The following C15orf39 variants were observed in gnomAD, a reference collection of about 807,000 sequenced individuals.
C15orf39 encodes PRMT2 interacting protein, also known as uncharacterized protein C15orf39.
In C15orf39, 24 loss-of-function variants were observed where a neutral mutation model predicts 53.9. The observed-to-expected ratio is 0.45, with a 90% CI of 0.32 to 0.63. C15orf39 has a LOEUF of 0.63. Among genes scored for constraint, C15orf39 ranks in the 20% least tolerant of loss-of-function variants. The pLI is 0.04. For missense variants in C15orf39, 1,271 were observed against 1,347.9 expected, an observed-to-expected ratio of 0.94 and a Z score of 0.89; for synonymous variants, 569 against 576.5, an observed-to-expected ratio of 0.99 and a Z score of 0.19.
rs548490366 is a variant in C15orf39 at position 75,208,286 on chromosome 15, T to A, written c.2238T>A (p.Ala746=). The A allele has an allele frequency of 1.3e-6, 2 of 1,582,468 alleles. No individual in the cohort carries two copies. Among genetic ancestry groups the A allele is most frequent in the African/African-American group, 2.7e-5 (2 of 74,166 alleles). ...ASARDPAPAP[A]PVAGPAPAST... ...CCCGGGATCCAGCTCCAGCTCCAGC[T>A]CCAGTTGCAGGCCCTGCTCCAGCAT... Residue 746 remains alanine, a synonymous_variant, in exon 2 of 3, where the codon GCT becomes GCA. Coordinates refer to ENST00000394987, the MANE Select transcript of C15orf39 (RefSeq NM_015492.5).
intron 2 of C15orf39, among the ~76,000 whole-genome samples, chr15:75,209,934 G>C (rs147865986): frequency 6.6e-6 from 1 of 152,270 alleles, no homozygotes; most frequent in Non-Finnish European, 1.5e-5. Context: ...TGCCTTAATG[G>C]GATGCAAAGG....
chr15:75,211,015 C>T lies in C15orf39; in HGVS notation c.3043C>T (p.Leu1015Phe), dbSNP rs540551289. Residue 1015 changes from leucine (L) to phenylalanine (F), a missense_variant, in exon 3 of 3, where the codon CTC (leucine) becomes TTC (phenylalanine). Physicochemically the swap from Leu to Phe is conservative, Grantham distance 22. Coordinates refer to ENST00000394987, the MANE Select transcript of C15orf39 (RefSeq NM_015492.5). ...RFRSLLETAWLNGLALPTWGH... is the reference protein window; with the variant it reads ...RFRSLLETAWFNGLALPTWGH... ...CCGCAGTCTGCTGGAGACCGCCTGG[C>T]TCAATGGCCTGGCTCTGCCCACCTG... 10 of 1,611,372 alleles carry T rather than the reference C, an allele frequency of 6.2e-6. No homozygotes were observed. The African/African-American group carries it at 1.3e-4, about 21-fold the overall frequency.
rs2070439467 is a variant in C15orf39, at chr15:75,206,509, C to T, written c.461C>T (p.Pro154Leu). Residue 154 changes from proline (P) to leucine (L), a missense_variant, in exon 2 of 3, where the codon CCA becomes CTA. Around this residue, in one of 2 missense-constraint regions of C15orf39, gnomAD observed 994 missense variants for 993.7 expected, o/e 1.00. Coordinates refer to ENST00000394987, the MANE Select transcript of C15orf39 (RefSeq NM_015492.5). Reference sequence around the variant, plus strand: ...CTGGGGGAAGGAGCAGTGAAGAGGCCACTGGATGTTGACTGGACTCTGGCG... The same window carrying T: ...CTGGGGGAAGGAGCAGTGAAGAGGCTACTGGATGTTGACTGGACTCTGGCG... ...TCLGEGAVKR[P>L]LDVDWTLATG... 1 of 1,613,944 alleles carries T rather than the reference C, an allele frequency of 6.2e-7. No homozygotes were observed. The highest frequency in any genetic ancestry group is 1.7e-5 in the Admixed American group (1 of 59,990).
Position 75,207,163 on chromosome 15 carries a change from C to A in C15orf39, c.1115C>A (p.Ala372Asp). 1 of 1,613,846 alleles carries A rather than the reference C, an allele frequency of 6.2e-7. No homozygotes were observed. Among genetic ancestry groups the A allele is most frequent in the Non-Finnish European group, 8.5e-7 (1 of 1,179,980 alleles). ...PLTPRCPLDF[A>D]PQTLSFPYAR... The stretch of plus-strand genomic sequence containing the variant: ...ACTCCACGGTGCCCATTGGACTTTG[C>A]CCCCCAGACACTGAGTTTTCCTTAT... Residue 372 changes from alanine to aspartate, a missense_variant, in exon 2 of 3, where the codon GCC becomes GAC. This residue lies in a region of C15orf39 where 994 missense variants were observed against 993.7 expected (regional missense o/e 1.00). Transcript: ENST00000394987.
Position 75,210,957 on chromosome 15 carries a change from C to A in C15orf39, c.2985C>A (p.Ala995=). ...CCTCCCCTACCCCTGCTACCAGTGC[C>A]AGCCCACCTGGCCCCACACTGAAGG... The part of the protein sequence containing the change: ...CGASPTPATS[A]SPPGPTLKAR... The change falls in exon 3 of 3, where the codon GCC becomes GCA. Residue 995 remains alanine, a synonymous_variant. Transcript: ENST00000394987. 1 of 1,613,438 alleles carries A rather than the reference C, an allele frequency of 6.2e-7. No individual in the cohort carries two copies. The highest frequency in any genetic ancestry group is 8.5e-7 in the Non-Finnish European group (1 of 1,180,010).
Position 75,208,622 on chromosome 15 carries a change from AC to A in C15orf39, c.2577del (p.Ala860LeufsTer38). The A allele has an allele frequency of 6.3e-7, 1 of 1,592,898 alleles. No individual in the cohort carries two copies. ...AGGAGCGGCTCTTCCCTCGGCTGCC[AC>A]CCGCTTCTGTGGACCATGTGCTGCA... is the stretch of plus-strand genomic sequence containing the variant. Reference protein sequence around the residue: ...VKERLFPRLPPASVDHVLQEH... With the variant: ...VKERLFPRLPXASVDHVLQEH... On this transcript the variant is annotated frameshift_variant, in exon 2 of 3. Coordinates refer to ENST00000394987, the MANE Select transcript of C15orf39 (RefSeq NM_015492.5). LOFTEE classifies it high-confidence loss of function.
At position 75,211,753 on chromosome 15, in the gene C15orf39, G is replaced by C. The variant is rs545117131; in HGVS notation, c.*637G>C. On this transcript the variant is annotated 3_prime_UTR_variant, in exon 3 of 3. Coordinates refer to ENST00000394987, the MANE Select transcript of C15orf39 (RefSeq NM_015492.5). ...CTCCCTGCTCCCAATCCCCGCTACT[G>C]GTGCAGGGATGCAGCCTGGAGCTGG... is the stretch of plus-strand genomic sequence containing the variant. 6 of 152,268 alleles carry C rather than the reference G, an allele frequency of 3.9e-5. No homozygotes were observed. In the South Asian group the frequency reaches 1.2e-3, roughly 32 times the overall value. 9.4% of individuals were successfully genotyped at this position (152,268 alleles called of 1,614,324 possible).
chr15:75,206,707 T>G lies in C15orf39; in HGVS notation c.659T>G (p.Ile220Ser), dbSNP rs757245578. The G allele has an allele frequency of 5.6e-6, 9 of 1,613,564 alleles. No individual in the cohort carries two copies. The East Asian group carries it at 2.0e-4, about 36-fold the overall frequency. ...CQPFLEKYQT[I>S]HSTGFLASRY... ...CCCTTCCTGGAGAAATATCAGACCA[T>G]CCACAGCACGGGCTTCCTGGCCTCC... is the stretch of plus-strand genomic sequence containing the variant. The change falls in exon 2 of 3, where the codon ATC (isoleucine) becomes AGC (serine). Residue 220 changes from isoleucine to serine, a missense_variant. Transcript: ENST00000394987.
intron 1 of C15orf39, among the ~76,000 whole-genome samples, chr15:75,202,684 C>T (rs1252936930): frequency 2.0e-5 from 3 of 149,866 alleles, no homozygotes; most frequent in Admixed American, 2.0e-4. Context: ...GGTGCGCGGG[C>T]CTGCCTGCGT....
In C15orf39 at chr15:75,203,152, C is replaced by G. The variant is rs2070416531; in HGVS notation, c.-51+1093C>G. Among the ~76,000 whole-genome samples, 4 of 152,378 alleles carry G rather than the reference C, an allele frequency of 2.6e-5. No individual in the cohort carries two copies. The South Asian group carries it at 6.2e-4, about 24-fold the overall frequency. ...ATGCTGGCCACAATTGGGCAGGAAT[C>G]GCGCTCTTCTTCCTGGTCTTTGCCA... On this transcript the variant is annotated intron_variant, in intron 1 of 2. Transcript: ENST00000394987.
upstream of C15orf39, among the ~76,000 whole-genome samples, chr15:75,199,792 C>T (rs2141592079): frequency 6.6e-6 from 1 of 152,262 alleles, no homozygotes; most frequent in South Asian, 2.1e-4. Context: ...TGTGTTAACT[C>T]TACTCGGGAA....
chr15:75,208,876 GGT>G lies in C15orf39; in HGVS notation c.2776+60_2776+61del, dbSNP rs763171944. 1.1e-5 allele frequency: 17 copies of G among 1,546,268 alleles called. No individual in the cohort carries two copies. In the East Asian group the frequency reaches 3.8e-4, roughly 35 times the overall value. On this transcript the variant is annotated intron_variant, in intron 2 of 2. Coordinates refer to ENST00000394987, the MANE Select transcript of C15orf39 (RefSeq NM_015492.5). Reference sequence around the variant, plus strand: ...ACCGGAGCTGTGTGAGCAAGTGACAGGTGTGTGTGCTGTGTGAGTGCGTCACA... The same window carrying G: ...ACCGGAGCTGTGTGAGCAAGTGACAGGTGTGTGCTGTGTGAGTGCGTCACA...
At position 75,207,810 on chromosome 15, in the gene C15orf39, G is replaced by A; in HGVS notation, c.1762G>A (p.Val588Ile). The change falls in exon 2 of 3, where the codon GTC becomes ATC. Residue 588 changes from valine (V) to isoleucine (I), a missense_variant. Transcript: ENST00000394987. ...GAAGCCCACAGCAGAGGCCTCCCCTGTCAAGGCTTCCCGTTCTGTGGAGCA... is the reference window on the plus strand; with the variant it reads ...GAAGCCCACAGCAGAGGCCTCCCCTATCAAGGCTTCCCGTTCTGTGGAGCA... ...VRKPTAEASP[V>I]KASRSVEHAK... 1 of 1,612,308 alleles carries A rather than the reference G, an allele frequency of 6.2e-7. No individual in the cohort carries two copies. The highest frequency in any genetic ancestry group is 8.5e-7 in the Non-Finnish European group (1 of 1,179,454).
Position 75,207,955 on chromosome 15 carries a change from A to G in C15orf39, c.1907A>G (p.Asp636Gly). Residue 636 changes from aspartate to glycine, a missense_variant, in exon 2 of 3, where the codon GAT becomes GGT. Transcript: ENST00000394987. ...TTGCCTGGGGTGCCAGTGACCACAG[A>G]TGCCATGCCAAGGACCAACTTCCAC... is the stretch of plus-strand genomic sequence containing the variant. ...PGLPGVPVTT[D>G]AMPRTNFHSS... 1 of 1,613,886 alleles carries G rather than the reference A, an allele frequency of 6.2e-7. No homozygotes were observed. The highest frequency in any genetic ancestry group is 1.1e-5 in the South Asian group (1 of 91,092).
rs1315877495 is a variant in C15orf39 at position 75,202,049 on chromosome 15, G to A, written c.-61G>A. On this transcript the variant is annotated 5_prime_UTR_variant, in exon 1 of 3. Transcript: ENST00000394987. The stretch of plus-strand genomic sequence containing the variant: ...TGGGGTAGCGGCGGCGGGAGTCCTG[G>A]CGCTCTGCAGGTAGGAGCTCGCCCG... 6.6e-6 allele frequency: 1 copy of A among 152,112 alleles called. No homozygotes were observed. The highest frequency in any genetic ancestry group is 1.5e-5 in the Non-Finnish European group (1 of 68,038). 9.4% of individuals were successfully genotyped at this position (152,112 alleles called of 1,614,324 possible). A position where few individuals can be genotyped will look rare whatever the true frequency, so the allele number is the denominator to read the frequency against.
At chr15:75,204,775 G>T (rs1187733164) in intron 1 of C15orf39, among the ~76,000 whole-genome samples, 1 of 152,210 alleles carries the variant, frequency 6.6e-6, no homozygotes, top group African/African-American at 2.4e-5. Context: ...TTCCCAAAGT[G>T]CTGGGATTAC....
At chr15:75,202,655 G>A (rs1334910006) in intron 1 of C15orf39, among the ~76,000 whole-genome samples, 2 of 148,158 alleles carry the variant, frequency 1.3e-5, no homozygotes, top group African/African-American at 2.7e-5. Flanking sequence ...GCCGGTCCGC[G>A]GGCGTCGGTG....
upstream of C15orf39, among the ~76,000 whole-genome samples, chr15:75,200,439 G>A (rs74950568): frequency 0.038 from 5,723 of 152,226 alleles, 122 homozygotes; most frequent in Middle Eastern, 0.065. Context: ...GACCCCAAGG[G>A]CTAAGAACAC....
Position 75,207,850 on chromosome 15 carries a change from C to T in C15orf39, c.1802C>T (p.Ala601Val), listed in dbSNP as rs745391071. Residue 601 changes from alanine to valine, a missense_variant, in exon 2 of 3, where the codon GCA becomes GTA. Coordinates refer to ENST00000394987, the MANE Select transcript of C15orf39 (RefSeq NM_015492.5). ...SRSVEHAKPT[A>V]AMDVPDVGNM... ...TCTGTGGAGCATGCCAAGCCTACTG[C>T]AGCCATGGATGTGCCAGATGTGGGC... is the stretch of plus-strand genomic sequence containing the variant. 34 of 1,613,484 alleles carry T rather than the reference C, an allele frequency of 2.1e-5. No individual in the cohort carries two copies. The highest frequency in any genetic ancestry group is 2.8e-5 in the Non-Finnish European group (33 of 1,179,918).
Sources: allele counts gnomAD v4.1 joint callset (sites outside exome capture counted in the v4.1 genomes callset), GRCh38; gene constraint gnomAD v4.1.1; regional missense constraint gnomAD v4.1.1; transcripts MANE v1.5; gene names NCBI Gene and HGNC (gene_info 2026-07-23, HGNC 2026-07-21).